AKR1E2: variants seen among roughly 807,000 people sequenced by gnomAD.
The protein encoded by AKR1E2 is aldo-keto reductase family 1 member E2, also known as 1,5-anhydro-D-fructose reductase.
A neutral mutation model predicts 41.9 loss-of-function variants in AKR1E2; 43 were observed. The observed-to-expected ratio is 1.03, with a 90% CI of 0.80 to 1.32. AKR1E2 has a LOEUF of 1.32. Ranked by LOEUF, AKR1E2 falls within the 40% of genes most tolerant of loss-of-function variation. The pLI, the probability that AKR1E2 is intolerant of heterozygous loss-of-function variation, is 0.00. For synonymous variants in AKR1E2, 121 were observed against 138.9 expected, an observed-to-expected ratio of 0.87 and a Z score of 0.91; for missense variants, 423 against 396.5, an observed-to-expected ratio of 1.07 and a Z score of -0.57.
intron 2 of AKR1E2, 30 bp downstream of exon 2, chr10:4,830,872 G>A (rs374466498): frequency 2.0e-5 from 32 of 1,613,030 alleles, no homozygotes; most frequent in Non-Finnish European, 2.5e-5. Flanking sequence ...GGCTGGCAGA[G>A]CTTGGGTAAT....
upstream of AKR1E2, among the ~76,000 whole-genome samples, chr10:4,825,500 A>G (rs1015896789): frequency 6.6e-6 from 1 of 152,094 alleles, no homozygotes; most frequent in African/African-American, 2.4e-5. Context: ...CCGAGGCTGC[A>G]AGCAAGGACG....
Position 4,835,753 on chromosome 10 carries a change from C to T in AKR1E2, c.403C>T (p.Leu135=). The T allele has an allele frequency of 6.2e-7, 1 of 1,614,222 alleles. No homozygotes were observed. Among genetic ancestry groups the T allele is most frequent in the Non-Finnish European group, 8.5e-7 (1 of 1,180,042 alleles). Residue 135 remains leucine, a synonymous_variant, in exon 4 of 10, where the codon CTG becomes TTG. Coordinates refer to ENST00000298375, the MANE Select transcript of AKR1E2 (RefSeq NM_001040177.3). ...LSHPRVQDLP[L]DESNMVIPSD... ...ACATCCTCGAGTGCAGGACTTGCCT[C>T]TGGACGAGAGCAACATGGTTATTCC...
At chr10:4,863,710 C>G in the AKR1E2 span, among the ~76,000 whole-genome samples, 1 of 151,888 alleles carries the variant, frequency 6.6e-6, no homozygotes, top group Non-Finnish European at 1.5e-5. Flanking sequence ...TGATAGACCA[C>G]TAGCAAGACT....
chr10:4,866,298 A>G, the AKR1E2 span, among the ~76,000 whole-genome samples: 1 of 152,230 alleles, frequency 6.6e-6, no homozygotes, highest in African/African-American at 2.4e-5. Flanking sequence ...CAAAGAGAGG[A>G]CGCGTAGCAC....
intron 5 of AKR1E2, among the ~76,000 whole-genome samples, chr10:4,838,034 G>A (rs1406069770): frequency 6.6e-6 from 1 of 152,234 alleles, no homozygotes; most frequent in Admixed American, 6.5e-5. Context: ...GAAAAGACTT[G>A]TGGGGAAATA....
chr10:4,873,143 C>T, the AKR1E2 span, among the ~76,000 whole-genome samples: 1 of 152,128 alleles, frequency 6.6e-6, no homozygotes, highest in South Asian at 2.1e-4. Flanking sequence ...GTTTTTCCTG[C>T]GCTGTTCTTG....
chr10:4,868,677 T>C, the AKR1E2 span, among the ~76,000 whole-genome samples: 1 of 152,218 alleles, frequency 6.6e-6, no homozygotes, highest in Non-Finnish European at 1.5e-5. Flanking sequence ...TGTAGGTTAT[T>C]GCAGATGTTC....
chr10:4,825,443 T>C (rs898735893), upstream of AKR1E2, among the ~76,000 whole-genome samples: 1 of 151,988 alleles, frequency 6.6e-6, no homozygotes, highest in African/African-American at 2.4e-5. Flanking sequence ...CCCAGTCCAC[T>C]CATAAGGGGG....
the AKR1E2 span, among the ~76,000 whole-genome samples, chr10:4,869,964 C>T: frequency 1.3e-5 from 2 of 151,868 alleles, no homozygotes; most frequent in Non-Finnish European, 2.9e-5. Flanking sequence ...AGAATATGGT[C>T]TGCTTGATTA....
intron 5 of AKR1E2, among the ~76,000 whole-genome samples, chr10:4,838,054 T>A (rs999710636): frequency 6.6e-6 from 1 of 152,236 alleles, no homozygotes; most frequent in African/African-American, 2.4e-5. Context: ...AACTATTGTA[T>A]TTTCTAGACT....
the AKR1E2 span, among the ~76,000 whole-genome samples, chr10:4,868,356 G>T: frequency 6.6e-6 from 1 of 152,150 alleles, no homozygotes; most frequent in African/African-American, 2.4e-5. Context: ...AGACTCTACA[G>T]CTCTCCTTTA....
downstream of AKR1E2, among the ~76,000 whole-genome samples, chr10:4,852,972 C>CTA (rs1834559514): frequency 4.6e-5 from 7 of 152,044 alleles, no homozygotes; most frequent in Admixed American, 3.9e-4. Flanking sequence ...GGTTGTGGGG[C>CTA]TATGTCTTAA....
intron 1 of AKR1E2, among the ~76,000 whole-genome samples, chr10:4,827,087 A>G (rs951825590): frequency 1.3e-5 from 2 of 150,252 alleles, no homozygotes; most frequent in Admixed American, 6.6e-5. Context: ...AAAAAAAAAA[A>G]AAAAAAGAAA....
Position 4,826,371 on chromosome 10 carries a change from G to A in AKR1E2, c.39+8G>A. ...GGCCTCAGCTCCTGGAAGGTGACGC[G>A]GTCGCGGGCAGGGAGGCGCGCCTGA... is the stretch of plus-strand genomic sequence containing the variant. On this transcript the variant is annotated splice_region_variant and intron_variant, in intron 1 of 9. Transcript: ENST00000298375. The A allele has an allele frequency of 3.2e-6, 4 of 1,234,264 alleles. No individual in the cohort carries two copies. Among genetic ancestry groups the A allele is most frequent in the Non-Finnish European group, 4.1e-6 (4 of 987,302 alleles). 76.5% of individuals were successfully genotyped at this position (1,234,264 alleles called of 1,614,324 possible). A position where few individuals can be genotyped will look rare whatever the true frequency, so the allele number is the denominator to read the frequency against.
chr10:4,870,771 T>C, the AKR1E2 span, among the ~76,000 whole-genome samples: 33,133 of 152,030 alleles, frequency 0.22, 3,827 homozygotes, highest in Middle Eastern at 0.33. Context: ...TTTTGGTTTA[T>C]ATTGTTTGAA....
chr10:4,835,716 C>G lies in AKR1E2; in HGVS notation c.366C>G (p.Ser122=). 6.2e-7 allele frequency: 1 copy of G among 1,614,150 alleles called. No individual in the cohort carries two copies. The highest frequency in any genetic ancestry group is 8.5e-7 in the Non-Finnish European group (1 of 1,180,046). ...GGATCATGAGCTGCAGTGAACTTTC[C>G]TTCTGCCTCTCACATCCTCGAGTGC... is the stretch of plus-strand genomic sequence containing the variant. ...PEWIMSCSEL[S]FCLSHPRVQD... is the part of the protein sequence containing the mutation. The change falls in exon 4 of 10, where the codon TCC becomes TCG. Residue 122 remains serine (S), a synonymous_variant. Coordinates refer to ENST00000298375, the MANE Select transcript of AKR1E2 (RefSeq NM_001040177.3).
chr10:4,827,307 T>G (rs1832618668), intron 1 of AKR1E2, among the ~76,000 whole-genome samples: 1 of 133,894 alleles, frequency 7.5e-6, no homozygotes, highest in African/African-American at 2.5e-5. Context: ...TCAGTTATTA[T>G]TGTTTGTGGT....
At chr10:4,859,142 C>T in the AKR1E2 span, among the ~76,000 whole-genome samples, 1 of 152,224 alleles carries the variant, frequency 6.6e-6, no homozygotes, top group East Asian at 1.9e-4. Context: ...ATTTTATCAA[C>T]GAGATCATGT....
At chr10:4,849,236 C>T (rs891454267), downstream of AKR1E2, among the ~76,000 whole-genome samples, 2 of 152,230 alleles carry the variant, frequency 1.3e-5, no homozygotes, top group Admixed American at 6.5e-5. Flanking sequence ...GGGAGAGTCT[C>T]TTGACCTTCC....
Sources: gnomAD v4.1 joint callset for allele counts (sites outside exome capture counted in the v4.1 genomes callset) on GRCh38, gnomAD v4.1.1 for gene constraint, MANE v1.5 for transcripts, NCBI Gene and HGNC (gene_info 2026-07-23, HGNC 2026-07-21) for gene names.